AFG3L2: variants seen among roughly 807,000 people sequenced by gnomAD.
The protein encoded by AFG3L2 is AFG3 like matrix AAA peptidase subunit 2.
Under a neutral mutation model 94.5 loss-of-function variants are expected in AFG3L2, and 54 were observed. The ratio of observed to expected loss-of-function variants is 0.57; its 90% CI spans 0.46 to 0.72. The LOEUF is 0.72. AFG3L2 is among the 30% of genes least tolerant of loss of function. The probability of loss-of-function intolerance (pLI) is 0.00; values close to 1 mark genes in which losing one functional copy is unlikely to be tolerated. For missense variants in AFG3L2, 754 were observed against 994.9 expected, an observed-to-expected ratio of 0.76 and a Z score of 3.26; for synonymous variants, 377 against 365.5, an observed-to-expected ratio of 1.03 and a Z score of -0.36.
chr18:12,351,868 C>A (rs536541506), intron 10 of AFG3L2, among the ~76,000 whole-genome samples: 26 of 152,190 alleles, frequency 1.7e-4, no homozygotes, highest in African/African-American at 6.3e-4. Flanking sequence ...TTTTAAGTTA[C>A]AAACTTGAAT....
intron 8 of AFG3L2, among the ~76,000 whole-genome samples, chr18:12,357,586 T>C (rs1219241898): frequency 3.9e-5 from 6 of 152,208 alleles, no homozygotes; most frequent in Admixed American, 3.9e-4. Context: ...AAGAAAGATG[T>C]GTTTGCTCAA....
At chr18:12,366,944 C>T in intron 5 of AFG3L2, 21 bp downstream of exon 5, 2 of 1,613,914 alleles carry the variant, frequency 1.2e-6, no homozygotes, top group Non-Finnish European at 8.5e-7. Flanking sequence ...ACAACAGCCA[C>T]CAATCCCATA....
At chr18:12,367,980 C>T (rs1174389336) in intron 3 of AFG3L2, among the ~76,000 whole-genome samples, 1 of 152,026 alleles carries the variant, frequency 6.6e-6, no homozygotes, top group Non-Finnish European at 1.5e-5. Flanking sequence ...CCAGCCTGTT[C>T]AACATGGAGA....
intron 6 of AFG3L2, among the ~76,000 whole-genome samples, chr18:12,362,472 C>T (rs1187602444): frequency 6.6e-6 from 1 of 152,172 alleles, no homozygotes; most frequent in Non-Finnish European, 1.5e-5. Context: ...TATAATGCCA[C>T]CTTTACAATC....
intron 9 of AFG3L2, among the ~76,000 whole-genome samples, chr18:12,356,147 A>G (rs1311228157): frequency 6.6e-6 from 1 of 151,214 alleles, no homozygotes; most frequent in Non-Finnish European, 1.5e-5. Flanking sequence ...CCACAAATAA[A>G]GCAAAATTTT....
chr18:12,361,920 C>T (rs1397857725), intron 6 of AFG3L2, among the ~76,000 whole-genome samples: 1 of 152,232 alleles, frequency 6.6e-6, no homozygotes, highest in Non-Finnish European at 1.5e-5. Context: ...AACTCAGCCC[C>T]TGCTATCAAC....
chr18:12,347,070 T>TGAGCCGA, intron 13 of AFG3L2, among the ~76,000 whole-genome samples: 1 of 152,148 alleles, frequency 6.6e-6, no homozygotes. Flanking sequence ...GAGGTTGCAG[T>TGAGCCGA]GAGCCGAGAT....
intron 16 of AFG3L2, among the ~76,000 whole-genome samples, chr18:12,332,451 T>C (rs1473813405): frequency 6.6e-6 from 1 of 152,132 alleles, no homozygotes; most frequent in Non-Finnish European, 1.5e-5. Context: ...TATTTGTAGT[T>C]TGCAATAAAT....
chr18:12,350,561 G>C (rs1458129421), intron 12 of AFG3L2, among the ~76,000 whole-genome samples: 1 of 152,220 alleles, frequency 6.6e-6, no homozygotes, highest in Non-Finnish European at 1.5e-5. Flanking sequence ...ATGTGAATTA[G>C]TAATTGTTCC....
intron 9 of AFG3L2, among the ~76,000 whole-genome samples, chr18:12,355,673 A>AT (rs71369929): frequency 0.12 from 17,470 of 145,410 alleles, 1,042 homozygotes; most frequent in Middle Eastern, 0.22. Context: ...CGATTTACAT[A>AT]TTTTTTTTTT....
chr18:12,330,366 G>A (rs1907483199), intron 16 of AFG3L2, among the ~76,000 whole-genome samples: 1 of 151,412 alleles, frequency 6.6e-6, no homozygotes, highest in Non-Finnish European at 1.5e-5. Flanking sequence ...GGCTGTGTAT[G>A]TTCTATATAC....
chr18:12,342,974 T>C (rs1908001917), intron 14 of AFG3L2: 2 of 151,264 alleles, frequency 1.3e-5, no homozygotes, highest in Non-Finnish European at 2.9e-5. Flanking sequence ...TGTATTTCCA[T>C]ATCGGTTTTA....
intron 15 of AFG3L2, 151 bp from the exon 16 acceptor site, chr18:12,337,686 CT>C (rs1472440720): frequency 2.5e-5 from 18 of 719,378 alleles, no homozygotes; most frequent in Non-Finnish European, 4.4e-5. Flanking sequence ...AAACTCATGA[CT>C]AGAAACACAG....
chr18:12,359,016 C>T, intron 7 of AFG3L2, 73 bp from the exon 8 acceptor site: 8 of 1,545,044 alleles, frequency 5.2e-6, no homozygotes, highest in African/African-American at 1.4e-5. Context: ...TGCAAGATAT[C>T]AATATAAATA....
intron 6 of AFG3L2, among the ~76,000 whole-genome samples, chr18:12,360,643 T>C (rs1194764234): frequency 6.6e-6 from 1 of 152,212 alleles, no homozygotes; most frequent in African/African-American, 2.4e-5. Flanking sequence ...TCTCTAGAGC[T>C]GCAGAGACCC....
At chr18:12,366,141 G>C (rs1908800337) in intron 5 of AFG3L2, among the ~76,000 whole-genome samples, 1 of 152,088 alleles carries the variant, frequency 6.6e-6, no homozygotes, top group South Asian at 2.1e-4. Flanking sequence ...CTCCCAAAGT[G>C]CTGGGATTAC....
chr18:12,370,751 G>T, intron 3 of AFG3L2, 98 bp downstream of exon 3: 1 of 852,756 alleles, frequency 1.2e-6, no homozygotes, highest in Non-Finnish European at 1.9e-6. Flanking sequence ...GAGACACTGT[G>T]CCCGGCCTGA....
chr18:12,330,616 A>G (rs1379040104), intron 16 of AFG3L2, among the ~76,000 whole-genome samples: 1 of 152,110 alleles, frequency 6.6e-6, no homozygotes, highest in African/African-American at 2.4e-5. Context: ...CGTCTCTACT[A>G]AAAATACAAA....
intron 13 of AFG3L2, among the ~76,000 whole-genome samples, chr18:12,344,482 C>T (rs1908063538): frequency 6.6e-6 from 1 of 151,970 alleles, no homozygotes; most frequent in African/African-American, 2.4e-5. Context: ...CGAGACCAGC[C>T]TGGCCAACAT....
Sources: allele counts gnomAD v4.1 joint callset (sites outside exome capture counted in the v4.1 genomes callset), GRCh38; gene constraint gnomAD v4.1.1; transcripts MANE v1.5; gene names NCBI Gene and HGNC (gene_info 2026-07-23, HGNC 2026-07-21).